GULP1: variants seen among roughly 807,000 people sequenced by gnomAD.
The protein encoded by GULP1 is GULP PTB domain containing engulfment adaptor 1, also known as PTB domain-containing engulfment adapter protein 1.
In GULP1, 19 loss-of-function variants were observed where a neutral mutation model predicts 40.9. The observed-to-expected ratio is 0.46, with a 90% CI of 0.32 to 0.68. The LOEUF is 0.68. Ranked by LOEUF, GULP1 falls within the 30% of genes least tolerant of loss-of-function variation. The pLI is 0.03. For synonymous variants in GULP1, 119 were observed against 117.6 expected, an observed-to-expected ratio of 1.01 and a Z score of -0.08; for missense variants, 312 against 362.2, an observed-to-expected ratio of 0.86 and a Z score of 1.12.
At chr2:188,448,468 T>C (rs2058577240) in intron 2 of GULP1, among the ~76,000 whole-genome samples, 1 of 152,170 alleles carries the variant, frequency 6.6e-6, no homozygotes. Flanking sequence ...GAATTGAATT[T>C]TTATGGCATT....
chr2:188,518,526 A>C lies in GULP1; in HGVS notation c.91-4230A>C, dbSNP rs191875833. Among the ~76,000 whole-genome samples the C allele has an allele frequency of 2.0e-5, 3 of 152,180 alleles. No individual in the cohort carries two copies. In the East Asian group the frequency reaches 5.8e-4, roughly 29 times the overall value. On this transcript the variant is annotated intron_variant, in intron 4 of 11. Coordinates refer to ENST00000409830, the MANE Select transcript of GULP1 (RefSeq NM_016315.4). ...TGGTGTGGGTATGGGAGGGATGAAA[A>C]GAAACTCCCATATGCTTCTAGCTCT...
At chr2:188,482,550 A>C (rs549515530) in intron 3 of GULP1, among the ~76,000 whole-genome samples, 1 of 151,970 alleles carries the variant, frequency 6.6e-6, no homozygotes, top group South Asian at 2.1e-4. Flanking sequence ...CTTACTCCAC[A>C]TAAGTGCAGA....
rs530696253 is a variant in GULP1 at position 188,292,424 on chromosome 2, G to A, written c.-172+258G>A. 6.6e-6 allele frequency among the ~76,000 whole-genome samples: 1 copy of A among 152,230 alleles called. No homozygotes were observed. The highest frequency in any genetic ancestry group is 1.5e-5 in the Non-Finnish European group (1 of 68,048). On this transcript the variant is annotated intron_variant, in intron 1 of 11. Transcript: ENST00000409830. The surrounding 1 kb of genome is among the most constrained non-coding windows in gnomAD (Gnocchi z 4.0). ...GTTGACGCCTGCTATGGCAGCGCTT[G>A]AGAAATGACTGGGGGAGTCCAGCGA...
At chr2:188,544,531 GTAT>G (rs976775047) in intron 7 of GULP1, among the ~76,000 whole-genome samples, 31 of 150,126 alleles carry the variant, frequency 2.1e-4, no homozygotes, top group Admixed American at 4.6e-4. Flanking sequence ...AAAACTTAAA[GTAT>G]TATTATAATA....
At chr2:188,506,931 C>T (rs1209974993) in intron 4 of GULP1, among the ~76,000 whole-genome samples, 1 of 151,934 alleles carries the variant, frequency 6.6e-6, no homozygotes, top group East Asian at 1.9e-4. Flanking sequence ...GAACTTCTCC[C>T]AGAAAGTGTG....
intron 2 of GULP1, among the ~76,000 whole-genome samples, chr2:188,468,814 G>A (rs2060343356): frequency 6.6e-6 from 1 of 152,112 alleles, no homozygotes; most frequent in Admixed American, 6.6e-5. Context: ...TATTGGAAAG[G>A]ATGTTTGCAA....
intron 4 of GULP1, among the ~76,000 whole-genome samples, chr2:188,492,692 G>A (rs1335409099): frequency 5.3e-5 from 8 of 151,822 alleles, no homozygotes; most frequent in Admixed American, 1.3e-4. Context: ...TTAAAATAAC[G>A]TTGAACTTTA....
At chr2:188,367,284 G>T (rs1380496509) in intron 1 of GULP1, among the ~76,000 whole-genome samples, 1 of 152,194 alleles carries the variant, frequency 6.6e-6, no homozygotes, top group African/African-American at 2.4e-5. Flanking sequence ...TGGTCACGAT[G>T]GTTAGGGGAG....
At position 188,513,212 on chromosome 2, in the gene GULP1, A is replaced by G. The variant is rs1438479067; in HGVS notation, c.91-9544A>G. 1.9e-4 allele frequency among the ~76,000 whole-genome samples: 29 copies of G among 152,184 alleles called. 1 individual carries two copies. Among genetic ancestry groups the G allele is most frequent in the Admixed American group, 1.9e-3 (29 of 15,280 alleles). On this transcript the variant is annotated intron_variant, in intron 4 of 11. Coordinates refer to ENST00000409830, the MANE Select transcript of GULP1 (RefSeq NM_016315.4). ...ACTAGTTTGTAAAATCTGACGAACT[A>G]TATGCCATGCTGTTATAACTTTCAT...
intron 1 of GULP1, among the ~76,000 whole-genome samples, chr2:188,349,673 G>T (rs1409952226): frequency 6.6e-6 from 1 of 152,120 alleles, no homozygotes. Flanking sequence ...TCACTTTCTT[G>T]ATGTGGTCCT....
In GULP1 at chr2:188,292,780, G is replaced by C. The variant is rs1462757829; in HGVS notation, c.-172+614G>C. The C allele has an allele frequency of 6.6e-6, 1 of 152,568 alleles. No individual in the cohort carries two copies. Among genetic ancestry groups the C allele is most frequent in the Non-Finnish European group, 1.5e-5 (1 of 68,404 alleles). 9.5% of individuals were successfully genotyped at this position (152,568 alleles called of 1,614,324 possible). Reference sequence around the variant, plus strand: ...CAGAGCTGGGAGGGCCCAAAGGAAGGGGCGGCGTCCACATGGTTACCCTTC... The same window carrying C: ...CAGAGCTGGGAGGGCCCAAAGGAAGCGGCGGCGTCCACATGGTTACCCTTC... On this transcript the variant is annotated intron_variant, in intron 1 of 11. Coordinates refer to ENST00000409830, the MANE Select transcript of GULP1 (RefSeq NM_016315.4). This position sits in a 1 kb window ranked among gnomAD's most constrained non-coding sequence, Gnocchi z 4.0.
intron 1 of GULP1, among the ~76,000 whole-genome samples, chr2:188,355,808 T>C (rs2045223559): frequency 6.6e-6 from 1 of 152,002 alleles, no homozygotes; most frequent in Non-Finnish European, 1.5e-5. Flanking sequence ...TTGAACTGAA[T>C]TCAACAGCAA....
At chr2:188,373,712 CAT>C in intron 1 of GULP1, among the ~76,000 whole-genome samples, 1 of 151,942 alleles carries the variant, frequency 6.6e-6, no homozygotes, top group South Asian at 2.1e-4. Context: ...GCTTCAAAGA[CAT>C]AAGAAAATAC....
intron 1 of GULP1, among the ~76,000 whole-genome samples, chr2:188,328,157 G>A (rs954641745): frequency 6.6e-6 from 1 of 152,122 alleles, no homozygotes; most frequent in Non-Finnish European, 1.5e-5. Flanking sequence ...ACAGGAAAAG[G>A]AGTGTAATAG....
intron 2 of GULP1, among the ~76,000 whole-genome samples, chr2:188,473,826 A>G (rs2060791878): frequency 6.6e-6 from 1 of 151,894 alleles, no homozygotes. Flanking sequence ...TTTTCCCTCC[A>G]CTTTTCTCAA....
intron 2 of GULP1, among the ~76,000 whole-genome samples, chr2:188,474,487 T>C (rs2060845229): frequency 6.6e-6 from 1 of 152,086 alleles, no homozygotes; most frequent in South Asian, 2.1e-4. Context: ...TCAGTTGAGT[T>C]TGGTGTGGTT....
chr2:188,304,980 A>T (rs1021562239), intron 1 of GULP1, among the ~76,000 whole-genome samples: 1 of 152,146 alleles, frequency 6.6e-6, no homozygotes, highest in Admixed American at 6.5e-5. Context: ...CTCTCTGGAG[A>T]TAATGTCAGA....
chr2:188,411,892 G>A (rs1323461743), intron 2 of GULP1, among the ~76,000 whole-genome samples: 2 of 152,174 alleles, frequency 1.3e-5, no homozygotes, highest in African/African-American at 4.8e-5. Context: ...TAGTGCTGCA[G>A]CTGTCCATTT....
intron 4 of GULP1, among the ~76,000 whole-genome samples, chr2:188,491,158 G>T (rs2153095283): frequency 6.6e-6 from 1 of 152,046 alleles, no homozygotes; most frequent in East Asian, 1.9e-4. Flanking sequence ...AGAAAGGACT[G>T]ATTTGGTCTC....
Sources: allele counts gnomAD v4.1 joint callset (sites outside exome capture counted in the v4.1 genomes callset), GRCh38; gene constraint gnomAD v4.1.1; non-coding constraint Gnocchi (gnomAD v3.1); transcripts MANE v1.5; gene names NCBI Gene and HGNC (gene_info 2026-07-23, HGNC 2026-07-21).